Variants in LMO7 observed in about 807,000 individuals in gnomAD.
LMO7 encodes LIM domain 7, also known as LIM domain only protein 7.
LMO7 carries 120 observed loss-of-function variants against 206.5 expected under a neutral mutation model. That is an observed-to-expected ratio of 0.58 (90% CI 0.50 to 0.68). The LOEUF (loss-of-function observed/expected upper bound fraction) is 0.68, where lower values mean the gene tolerates loss of function less well. Among genes scored for constraint, LMO7 ranks in the 30% least tolerant of loss-of-function variants. The probability of loss-of-function intolerance (pLI) is 0.00; values close to 1 mark genes in which losing one functional copy is unlikely to be tolerated. For missense variants in LMO7, 1,959 were observed against 1,957.9 expected, an observed-to-expected ratio of 1.00 and a Z score of -0.01; for synonymous variants, 706 against 681.5, an observed-to-expected ratio of 1.04 and a Z score of -0.56.
chr13:75,832,833 A>C (rs922005385), intron 15 of LMO7, among the ~76,000 whole-genome samples: 4 of 152,190 alleles, frequency 2.6e-5, no homozygotes, highest in African/African-American at 9.7e-5. Flanking sequence ...ATGTAATGAC[A>C]ATAAGATTTC....
At chr13:75,804,684 AT>A (rs2055211436) in intron 8 of LMO7, 143 bp downstream of exon 8, 3 of 1,140,128 alleles carry the variant, frequency 2.6e-6, no homozygotes, top group South Asian at 1.8e-5. Context: ...TCATCCCTCT[AT>A]TTTTAGTTAT....
At chr13:75,699,902 C>T (rs1007909819) in intron 1 of LMO7, among the ~76,000 whole-genome samples, 5 of 152,166 alleles carry the variant, frequency 3.3e-5, no homozygotes, top group African/African-American at 1.2e-4. Context: ...GTATTTTATC[C>T]CTTATCTTCA....
At chr13:75,785,318 A>G (rs1235425473) in intron 4 of LMO7, among the ~76,000 whole-genome samples, 1 of 152,096 alleles carries the variant, frequency 6.6e-6, no homozygotes, top group Non-Finnish European at 1.5e-5. Flanking sequence ...ATCACATCAA[A>G]CCTTAATAGT....
chr13:75,687,087 C>T (rs2041074636), intron 1 of LMO7, among the ~76,000 whole-genome samples: 1 of 152,130 alleles, frequency 6.6e-6, no homozygotes. Flanking sequence ...TTGCATCCAT[C>T]CTGTCAGGAA....
At chr13:75,832,845 C>T (rs9544051) in intron 15 of LMO7, among the ~76,000 whole-genome samples, 19,891 of 152,052 alleles carry the variant, frequency 0.13, 1,714 homozygotes, top group Admixed American at 0.22. Context: ...TAAGATTTCC[C>T]TTAGTTTAGC....
At chr13:75,832,095 G>A (rs2058717068) in intron 15 of LMO7, among the ~76,000 whole-genome samples, 1 of 152,060 alleles carries the variant, frequency 6.6e-6, no homozygotes, top group Non-Finnish European at 1.5e-5. Context: ...TAAGTTTTTT[G>A]TGATTAGGAA....
rs754043846 is a variant in LMO7, at chr13:75,842,871, T to C, written c.4052T>C (p.Ile1351Thr). 1.9e-6 allele frequency: 3 copies of C among 1,607,512 alleles called. No homozygotes were observed. The highest frequency in any genetic ancestry group is 3.3e-5 in the Admixed American group (2 of 59,988). ...QYRRPVDSYD[I>T]PKTEEASSGF... ...TTTAGGCCTGTTGATTCCTATGATA[T>C]ACCAAAGACAGAAGAAGCATCTTCA... is the stretch of plus-strand genomic sequence containing the variant. Residue 1351 changes from isoleucine (I) to threonine (T), a missense_variant, in exon 25 of 31, where the codon ATA (isoleucine) becomes ACA (threonine). Transcript: ENST00000377534.
intron 3 of LMO7, among the ~76,000 whole-genome samples, chr13:75,749,307 A>G (rs2047099956): frequency 6.6e-6 from 1 of 152,070 alleles, no homozygotes; most frequent in Non-Finnish European, 1.5e-5. Context: ...TCACAGTGAC[A>G]TTTTTTCTTA....
chr13:75,843,347 C>A (rs1329700662), intron 25 of LMO7, among the ~76,000 whole-genome samples: 2 of 152,134 alleles, frequency 1.3e-5, no homozygotes, highest in Non-Finnish European at 2.9e-5. Context: ...GAGAGGAAAT[C>A]TGCAAGGCAT....
chr13:75,681,730 A>ATGTG (rs1566304877), intron 1 of LMO7, among the ~76,000 whole-genome samples: 1 of 130,320 alleles, frequency 7.7e-6, no homozygotes, highest in Non-Finnish European at 1.6e-5. Flanking sequence ...ATATATATAT[A>ATGTG]TATATATATA....
chr13:75,763,224 T>C (rs1434671664), intron 4 of LMO7, among the ~76,000 whole-genome samples: 4 of 152,138 alleles, frequency 2.6e-5, no homozygotes, highest in African/African-American at 9.7e-5. Context: ...TACAGGCATC[T>C]AATGGGTCAG....
rs959676218 is a variant in LMO7 at position 75,729,950 on chromosome 13, A to C, written c.210+2852A>C. On this transcript the variant is annotated intron_variant, in intron 3 of 30. Coordinates refer to ENST00000377534, the MANE Select transcript of LMO7 (RefSeq NM_001306080.2). The stretch of plus-strand genomic sequence containing the variant: ...TACATTGATTGATTTGCATATATTG[A>C]ACCAGCCTTGCATCCCAGGGATGAA... 3.4e-3 allele frequency among the ~76,000 whole-genome samples: 515 copies of C among 152,174 alleles called. 10 individuals carry two copies. Among genetic ancestry groups the C allele is most frequent in the Admixed American group, 0.031 (477 of 15,286 alleles).
intron 15 of LMO7, among the ~76,000 whole-genome samples, chr13:75,826,721 A>G (rs2058144328): frequency 6.6e-6 from 1 of 152,202 alleles, no homozygotes; most frequent in African/African-American, 2.4e-5. Flanking sequence ...TTTTAGAAAC[A>G]TAAAAATTGA....
At chr13:75,812,987 G>A (rs1245272133) in intron 11 of LMO7, among the ~76,000 whole-genome samples, 1 of 152,204 alleles carries the variant, frequency 6.6e-6, no homozygotes, top group Non-Finnish European at 1.5e-5. Flanking sequence ...CTGTGAGGCC[G>A]ACAGATAGGG....
intron 3 of LMO7, among the ~76,000 whole-genome samples, chr13:75,746,622 C>G (rs1680617269): frequency 6.6e-6 from 1 of 152,132 alleles, no homozygotes; most frequent in East Asian, 1.9e-4. Context: ...CCTGCATTCC[C>G]CTAAAGCGAC....
At position 75,814,780 on chromosome 13, in the gene LMO7, G is replaced by A. The variant is rs71434810; in HGVS notation, c.1947-2381G>A. On this transcript the variant is annotated intron_variant, in intron 11 of 30. Coordinates refer to ENST00000377534, the MANE Select transcript of LMO7 (RefSeq NM_001306080.2). ...ATTTCTGGTAAGGTGGTCAGAGAAGGAAACACAGAGGGCACATTTAAGCAG... is the reference window on the plus strand; with the variant it reads ...ATTTCTGGTAAGGTGGTCAGAGAAGAAAACACAGAGGGCACATTTAAGCAG... Among the ~76,000 whole-genome samples, 889 of 152,292 alleles carry A rather than the reference G, an allele frequency of 5.8e-3. 4 individuals are homozygous for A. Among genetic ancestry groups the A allele is most frequent in the Non-Finnish European group, 8.7e-3 (592 of 68,022 alleles).
intron 3 of LMO7, among the ~76,000 whole-genome samples, chr13:75,737,817 T>A (rs1257305968): frequency 0.013 from 261 of 19,936 alleles, no homozygotes; most frequent in Admixed American, 0.016. Flanking sequence ...TACTTTGAAA[T>A]AAATATAGAT....
chr13:75,784,889 T>C (rs1253960342), intron 4 of LMO7, among the ~76,000 whole-genome samples: 1 of 152,196 alleles, frequency 6.6e-6, no homozygotes, highest in East Asian at 1.9e-4. Flanking sequence ...ATCTTACTTA[T>C]AAGGACCCAG....
At position 75,781,542 on chromosome 13, in the gene LMO7, G is replaced by C. The variant is rs187179338; in HGVS notation, c.318-13859G>C. 2.4e-3 allele frequency among the ~76,000 whole-genome samples: 372 copies of C among 152,042 alleles called. 3 individuals are homozygous for C. Among genetic ancestry groups the C allele is most frequent in the Non-Finnish European group, 4.2e-3 (286 of 67,978 alleles). The stretch of plus-strand genomic sequence containing the variant: ...CAGTCCATCATTGTTGGACATTTGG[G>C]TTGGTTCCAAGTCTTTGCTATTGTG... On this transcript the variant is annotated intron_variant, in intron 4 of 30. Transcript: ENST00000377534.
Sources: allele counts gnomAD v4.1 joint callset (sites outside exome capture counted in the v4.1 genomes callset), GRCh38; gene constraint gnomAD v4.1.1; transcripts MANE v1.5; gene names NCBI Gene and HGNC (gene_info 2026-07-23, HGNC 2026-07-21).